TECTA: variants seen among roughly 807,000 people sequenced by gnomAD.
The protein encoded by TECTA is tectorin alpha, also known as alpha-tectorin.
TECTA carries 128 observed loss-of-function variants against 216.8 expected under a neutral mutation model. The ratio of observed to expected loss-of-function variants is 0.59; its 90% CI spans 0.51 to 0.68. The LOEUF (loss-of-function observed/expected upper bound fraction) is 0.68. Ranked by LOEUF, TECTA falls within the 30% of genes least tolerant of loss-of-function variation. The pLI is 0.00. For synonymous variants in TECTA, 1,089 were observed against 1,117.1 expected (o/e 0.97, Z 0.50); for missense variants, 2,551 against 2,786.2 (o/e 0.92, Z 1.90).
intron 21 of TECTA, 94 bp from the exon 22 acceptor site, chr11:121,188,986 C>T (rs1470899505): frequency 3.2e-5 from 42 of 1,298,874 alleles, no homozygotes; most frequent in Admixed American, 6.9e-5. Flanking sequence ...TGCTTGAGGC[C>T]AGAGCCACTG....
At chr11:121,135,318 G>A (rs1946715043) in intron 10 of TECTA, among the ~76,000 whole-genome samples, 1 of 152,202 alleles carries the variant, frequency 6.6e-6, no homozygotes, top group Non-Finnish European at 1.5e-5. Context: ...AGGCATTCCG[G>A]GGCCTAGGGG....
intron 4 of TECTA, chr11:121,110,119 T>G (rs1287037854): frequency 6.5e-6 from 1 of 154,774 alleles, no homozygotes; most frequent in African/African-American, 2.4e-5. Flanking sequence ...AAATAAGCAG[T>G]CAAATAAAAG....
chr11:121,176,726 T>C (rs1947171208), intron 20 of TECTA, among the ~76,000 whole-genome samples: 1 of 151,070 alleles, frequency 6.6e-6, no homozygotes, highest in Admixed American at 6.6e-5. Flanking sequence ...TGGCCTGCCT[T>C]GCTAGATTGG....
In TECTA at chr11:121,162,063, C is replaced by T. The variant is rs886047843; in HGVS notation, c.4977-12C>T. 13 of 1,613,482 alleles carry T rather than the reference C, an allele frequency of 8.1e-6. No individual in the cohort carries two copies. In the East Asian group the frequency reaches 2.7e-4, roughly 33 times the overall value. On this transcript the variant is annotated splice_polypyrimidine_tract_variant and intron_variant, in intron 15 of 23. Coordinates refer to ENST00000392793, the MANE Select transcript of TECTA (RefSeq NM_005422.4). Reference sequence around the variant, plus strand: ...CTCAGATGGCTGTTTTTGCTTCACTCAGTCTGACCAGACCTCTTGCCCCCA... The same window carrying T: ...CTCAGATGGCTGTTTTTGCTTCACTTAGTCTGACCAGACCTCTTGCCCCCA...
At chr11:121,119,035 A>G (rs1048550672) in intron 7 of TECTA, among the ~76,000 whole-genome samples, 1 of 151,992 alleles carries the variant, frequency 6.6e-6, no homozygotes, top group Non-Finnish European at 1.5e-5. Flanking sequence ...ACACACACAC[A>G]CACAGTTCAG....
At chr11:121,188,306 A>G (rs1269298361) in intron 21 of TECTA, among the ~76,000 whole-genome samples, 1 of 152,194 alleles carries the variant, frequency 6.6e-6, no homozygotes, top group Non-Finnish European at 1.5e-5. Flanking sequence ...GATGTTAGCA[A>G]CATCCCTCAC....
Position 121,133,593 on chromosome 11 carries a change from A to C in TECTA, c.2941+3382A>C, listed in dbSNP as rs541466211. Among the ~76,000 whole-genome samples the C allele has an allele frequency of 4.5e-4, 69 of 152,202 alleles. 1 individual carries two copies. Among genetic ancestry groups the C allele is most frequent in the Middle Eastern group, 3.4e-3 (1 of 294 alleles). ...TTTCTGATATGGGCATTTTTGAAGA[A>C]CACAGCCTCCCTGCCTTTTGAAACA... On this transcript the variant is annotated intron_variant, in intron 10 of 23. Coordinates refer to ENST00000392793, the MANE Select transcript of TECTA (RefSeq NM_005422.4).
chr11:121,137,971 C>G lies in TECTA; in HGVS notation c.3492C>G (p.Thr1164=). The part of the protein sequence containing the change: ...LALWVKQVDV[T]VFGYSIVIHR... ...TGTGGGTTAAGCAGGTGGACGTGAC[C>G]GTGTTTGGCTACAGCATCGTGATCC... is the stretch of plus-strand genomic sequence containing the variant. The change falls in exon 11 of 24, where the codon ACC becomes ACG. Residue 1164 remains threonine, a synonymous_variant. Transcript: ENST00000392793. 1 of 1,613,034 alleles carries G rather than the reference C, an allele frequency of 6.2e-7. No homozygotes were observed. The highest frequency in any genetic ancestry group is 8.5e-7 in the Non-Finnish European group (1 of 1,179,150).
At chr11:121,102,321 G>A (rs900664622) in intron 1 of TECTA, among the ~76,000 whole-genome samples, 4 of 152,198 alleles carry the variant, frequency 2.6e-5, no homozygotes, top group Non-Finnish European at 4.4e-5. Flanking sequence ...CATCTTTAGC[G>A]TTGGGTCCTA....
At chr11:121,180,813 C>T (rs1479851577) in intron 20 of TECTA, among the ~76,000 whole-genome samples, 137 of 119,976 alleles carry the variant, frequency 1.1e-3, no homozygotes, top group Non-Finnish European at 1.8e-3. Flanking sequence ...TTTCTTATTC[C>T]TTTTTTTTTT....
chr11:121,125,358 C>T lies in TECTA; in HGVS notation c.1260C>T (p.Ile420=). The change falls in exon 8 of 24, where the codon ATC becomes ATT. Residue 420 remains isoleucine, a synonymous_variant. Transcript: ENST00000392793. The part of the protein sequence containing the change: ...PVTLDLGTVK[I]YQSGISTAVE... ...CCTTAGACTTGGGGACAGTGAAAAT[C>T]TACCAGAGTGGCATATCTACTGCCG... 3 of 1,614,196 alleles carry T rather than the reference C, an allele frequency of 1.9e-6. No homozygotes were observed. Among genetic ancestry groups the T allele is most frequent in the Non-Finnish European group, 1.7e-6 (2 of 1,180,052 alleles).
At chr11:121,112,934 C>A in intron 4 of TECTA, 138 bp from the exon 5 acceptor site, 1 of 1,014,248 alleles carries the variant, frequency 9.9e-7, no homozygotes, top group Non-Finnish European at 1.5e-6. Flanking sequence ...AGAGAGGAGT[C>A]AGAGCTGGAG....
intron 15 of TECTA, among the ~76,000 whole-genome samples, 180 bp downstream of exon 15, chr11:121,160,601 G>A (rs1452936794): frequency 2.6e-5 from 4 of 152,184 alleles, no homozygotes; most frequent in African/African-American, 4.8e-5. Flanking sequence ...CAGTAATTTC[G>A]TGAACTGCAG....
intron 4 of TECTA, among the ~76,000 whole-genome samples, chr11:121,111,609 G>C (rs1178447790): frequency 1.3e-5 from 2 of 152,182 alleles, no homozygotes; most frequent in South Asian, 4.1e-4. Context: ...GATCTGCTTG[G>C]ACCAAAGATA....
In TECTA at chr11:121,189,068, T is replaced by A; in HGVS notation, c.6163-12T>A. 1 of 1,613,964 alleles carries A rather than the reference T, an allele frequency of 6.2e-7. No homozygotes were observed. Among genetic ancestry groups the A allele is most frequent in the Non-Finnish European group, 8.5e-7 (1 of 1,179,826 alleles). On this transcript the variant is annotated splice_polypyrimidine_tract_variant and intron_variant, in intron 21 of 23. Transcript: ENST00000392793. ...TTGTGTGAAAATTTCCCCCTGGTAT[T>A]CTGTCTTGCAGACTTGCCCACACAA... is the stretch of plus-strand genomic sequence containing the variant.
At chr11:121,168,953 C>T (rs752007272) in intron 20 of TECTA, 28 bp downstream of exon 20, 1 of 1,613,880 alleles carries the variant, frequency 6.2e-7, no homozygotes, top group Admixed American at 1.7e-5. Context: ...AGACAACATT[C>T]TCAGAGCTTC....
Position 121,127,753 on chromosome 11 carries a change from G to A in TECTA, c.1776G>A (p.Val592=). 6.2e-7 allele frequency: 1 copy of A among 1,614,068 alleles called. No individual in the cohort carries two copies. The highest frequency in any genetic ancestry group is 8.5e-7 in the Non-Finnish European group (1 of 1,179,996). The change falls in exon 9 of 24, where the codon GTG becomes GTA. Residue 592 remains valine (V), a splice_region_variant and synonymous_variant. Coordinates refer to ENST00000392793, the MANE Select transcript of TECTA (RefSeq NM_005422.4). This position sits in a 1 kb window ranked among gnomAD's most constrained non-coding sequence, Gnocchi z 5.0. ...GCTCTCTTCCTTTCCCCGCGTCAGTGTCCACAGTGCAGTGCCCGAGCTTCA... is the reference window on the plus strand; with the variant it reads ...GCTCTCTTCCTTTCCCCGCGTCAGTATCCACAGTGCAGTGCCCGAGCTTCA... ...IGDWRTQTGC[V]STVQCPSFSH... is the part of the protein sequence containing the mutation.
chr11:121,121,716 A>T (rs1946560365), intron 7 of TECTA, among the ~76,000 whole-genome samples: 1 of 152,224 alleles, frequency 6.6e-6, no homozygotes, highest in East Asian at 1.9e-4. Flanking sequence ...GGGACTGTAG[A>T]AATATCCAGA....
chr11:121,138,670 G>A (rs34002948), intron 11 of TECTA, among the ~76,000 whole-genome samples: 50,644 of 151,616 alleles, frequency 0.33, 12,390 homozygotes, highest in African/African-American at 0.7. Context: ...CACTTCCTTG[G>A]CCATGAAGAC....
Sources: allele counts gnomAD v4.1 joint callset (sites outside exome capture counted in the v4.1 genomes callset), GRCh38; gene constraint gnomAD v4.1.1; non-coding constraint Gnocchi (gnomAD v3.1); transcripts MANE v1.5; gene names NCBI Gene and HGNC (gene_info 2026-07-23, HGNC 2026-07-21).